Variants in SETD2 observed in about 807,000 individuals in gnomAD.
SETD2 encodes histone-lysine N-methyltransferase SETD2.
In SETD2, 31 loss-of-function variants were observed where a neutral mutation model predicts 242.1. The ratio of observed to expected loss-of-function variants is 0.13; its 90% CI spans 0.10 to 0.17. The LOEUF (loss-of-function observed/expected upper bound fraction) is 0.17. SETD2 is among the 10% of genes least tolerant of loss of function. The pLI, the probability that SETD2 is intolerant of heterozygous loss-of-function variation, is 1.00. For synonymous variants in SETD2, 1,006 were observed against 1,066.5 expected (o/e 0.94, Z 1.11); for missense variants, 2,481 against 3,046.3 (o/e 0.81, Z 4.37).
At position 47,093,327 on chromosome 3, in the gene SETD2, A is replaced by G. The variant is rs371800492; in HGVS notation, c.5142+4628T>C. On this transcript the variant is annotated intron_variant, in intron 9 of 20. Transcript: ENST00000409792. The stretch of plus-strand genomic sequence containing the variant: ...GAGACTGAGCTTCACTCTGTCGCCC[A>G]GGTAGGAGTGCAGTGGCATCATGTC... Among the ~76,000 whole-genome samples the G allele has an allele frequency of 7.8e-4, 109 of 139,048 alleles. 1 individual carries two copies. Among genetic ancestry groups the G allele is most frequent in the African/African-American group, 2.9e-3 (102 of 35,222 alleles). 91.2% of individuals were successfully genotyped at this position (139,048 alleles called of 152,430 possible).
intron 12 of SETD2, chr3:47,081,130 G>A: frequency 1.0e-6 from 1 of 963,826 alleles, no homozygotes; most frequent in Non-Finnish European, 1.2e-6. Flanking sequence ...CATCAGATCT[G>A]GGAGGACAAA....
chr3:47,062,034 T>C, intron 14 of SETD2, 129 bp downstream of exon 14: 1 of 749,434 alleles, frequency 1.3e-6, no homozygotes. Flanking sequence ...AGTTGTATAC[T>C]CACTCATCAA....
In SETD2 at chr3:47,123,521, T is replaced by C. The variant is rs2106705807; in HGVS notation, c.1115A>G (p.Asp372Gly). 1 of 1,550,854 alleles carries C rather than the reference T, an allele frequency of 6.4e-7. No homozygotes were observed. Among genetic ancestry groups the C allele is most frequent in the Middle Eastern group, 1.7e-4 (1 of 5,992 alleles). ...ATAGCTAAAATATTTATCATCTCTG[T>C]CTGTTTTAGATCGTGAAGGTTTCCC... The part of the protein sequence containing the change: ...DLGKPSRSKT[D>G]RDDKYFSYSK... Residue 372 changes from aspartate to glycine, a missense_variant, in exon 3 of 21, where the codon GAC becomes GGC. Asp to Gly is a moderately conservative substitution (Grantham distance 94, BLOSUM62 -1). Around this residue, in one of 17 missense-constraint regions of SETD2, gnomAD observed 1,300 missense variants for 1,259.2 expected, o/e 1.03. Coordinates refer to ENST00000409792, the MANE Select transcript of SETD2 (RefSeq NM_014159.7).
chr3:47,062,120 CAAAACA>C, intron 14 of SETD2, 37 bp downstream of exon 14: 1 of 1,583,426 alleles, frequency 6.3e-7, no homozygotes, highest in Non-Finnish European at 8.6e-7. Context: ...TTAACTTGCT[CAAAACA>C]AAAACAAAAA....
chr3:47,144,609 C>G (rs886275360), intron 1 of SETD2, among the ~76,000 whole-genome samples: 1 of 152,110 alleles, frequency 6.6e-6, no homozygotes, highest in African/African-American at 2.4e-5. Flanking sequence ...CACCACTGCA[C>G]TCCAGCCTGG....
intron 5 of SETD2, among the ~76,000 whole-genome samples, chr3:47,107,453 T>C (rs2042471528): frequency 6.6e-6 from 1 of 151,142 alleles, no homozygotes; most frequent in Non-Finnish European, 1.5e-5. Context: ...GAGAAGTTTA[T>C]AGTGGATGTA....
rs866204219 is a variant in SETD2, at chr3:47,055,540, C to T, written c.6963+1281G>A. Among the ~76,000 whole-genome samples, 12 of 151,772 alleles carry T rather than the reference C, an allele frequency of 7.9e-5. No individual in the cohort carries two copies. In the Middle Eastern group the frequency reaches 0.017, roughly 215 times the overall value. ...TGGGCAACACAGTGAGACCGCATCT[C>T]TTAAAAAAATTAGCAGGGTACAGTG... On this transcript the variant is annotated intron_variant, in intron 15 of 20. Transcript: ENST00000409792.
chr3:47,104,976 C>A (rs1305777632), intron 6 of SETD2, among the ~76,000 whole-genome samples: 1 of 152,068 alleles, frequency 6.6e-6, no homozygotes, highest in African/African-American at 2.4e-5. Context: ...ACTATGTTGC[C>A]CAGGCTGGCC....
At chr3:47,130,450 G>T (rs1399106956) in intron 1 of SETD2, among the ~76,000 whole-genome samples, 2 of 152,202 alleles carry the variant, frequency 1.3e-5, no homozygotes, top group East Asian at 3.8e-4. Flanking sequence ...GTACGGCCAG[G>T]AAGAGTAGAC....
intron 1 of SETD2, among the ~76,000 whole-genome samples, chr3:47,152,038 A>T (rs1192371964): frequency 6.6e-6 from 1 of 152,100 alleles, no homozygotes; most frequent in Non-Finnish European, 1.5e-5. Flanking sequence ...ACAAACTGCT[A>T]ATCTGCCAAA....
chr3:47,158,952 C>A (rs1472457510), intron 1 of SETD2, among the ~76,000 whole-genome samples: 1 of 152,188 alleles, frequency 6.6e-6, no homozygotes, highest in African/African-American at 2.4e-5. Context: ...TCAAACTGCA[C>A]ACTAAAACAG....
chr3:47,086,618 T>C (rs2041569107), intron 10 of SETD2, among the ~76,000 whole-genome samples: 1 of 151,918 alleles, frequency 6.6e-6, no homozygotes, highest in African/African-American at 2.4e-5. Flanking sequence ...TAAGAAAAAA[T>C]TGCATCTAAC....
At chr3:47,042,478 A>G (rs1559656445) in intron 17 of SETD2, 83 bp downstream of exon 17, 8 of 1,366,602 alleles carry the variant, frequency 5.9e-6, no homozygotes, top group East Asian at 4.6e-5. Context: ...CAAGAAGTTT[A>G]CAACTGTAAA....
At chr3:47,116,001 C>T (rs1281904973) in intron 4 of SETD2, among the ~76,000 whole-genome samples, 1 of 152,120 alleles carries the variant, frequency 6.6e-6, no homozygotes, top group East Asian at 1.9e-4. Flanking sequence ...AATACAGAAG[C>T]AAATGTCTGT....
intron 12 of SETD2, among the ~76,000 whole-genome samples, chr3:47,078,565 GAAC>G (rs1338661343): frequency 8.5e-6 from 1 of 117,064 alleles, no homozygotes; most frequent in East Asian, 2.7e-4. Flanking sequence ...GCCATTATGT[GAAC>G]AACTGGCAAA....
chr3:47,085,691 T>A (rs2041522710), intron 11 of SETD2, among the ~76,000 whole-genome samples: 1 of 152,220 alleles, frequency 6.6e-6, no homozygotes, highest in African/African-American at 2.4e-5. Flanking sequence ...AAAATTTTAT[T>A]AATTTCATAG....
intron 5 of SETD2, among the ~76,000 whole-genome samples, chr3:47,106,609 C>T (rs988825541): frequency 1.4e-5 from 2 of 147,734 alleles, no homozygotes; most frequent in African/African-American, 5.0e-5. Context: ...GTCACAAGTT[C>T]GAGACCAGCC....
chr3:47,119,146 G>A (rs1190590729), intron 3 of SETD2, among the ~76,000 whole-genome samples: 1 of 152,064 alleles, frequency 6.6e-6, no homozygotes, highest in African/African-American at 2.4e-5. Context: ...GGAGAGTAAG[G>A]GGGCAGGATA....
rs191313431 is a variant in SETD2 at position 47,123,224 on chromosome 3, C to T, written c.1412G>A (p.Arg471Lys). ...AGAAGAGGAATGAGATGAGGTACGC[C>T]TTGAGTATGTCTTCTTATACTCTTC... ...SEEEYKKTYS[R>K]RTSSHSSSYR... Residue 471 changes from arginine to lysine, a missense_variant, in exon 3 of 21, where the codon AGG (arginine) becomes AAG (lysine). Coordinates refer to ENST00000409792, the MANE Select transcript of SETD2 (RefSeq NM_014159.7). 3.3e-4 allele frequency: 517 copies of T among 1,563,948 alleles called. No homozygotes were observed. The highest frequency in any genetic ancestry group is 4.3e-4 in the Non-Finnish European group (494 of 1,152,364).
Sources: allele counts gnomAD v4.1 joint callset (sites outside exome capture counted in the v4.1 genomes callset), GRCh38; gene constraint gnomAD v4.1.1; regional missense constraint gnomAD v4.1.1; transcripts MANE v1.5; gene names NCBI Gene and HGNC (gene_info 2026-07-23, HGNC 2026-07-21).